Variants in SCYL1 observed in about 807,000 individuals in gnomAD.
The protein encoded by SCYL1 is N-terminal kinase-like protein.
SCYL1 carries 85 observed loss-of-function variants against 94.8 expected under a neutral mutation model. The observed-to-expected ratio is 0.90, with a 90% CI of 0.75 to 1.07. SCYL1 has a LOEUF of 1.07. SCYL1 is among the 50% of genes least tolerant of loss of function. SCYL1 has a pLI of 0.00. For synonymous variants in SCYL1, 459 were observed against 435.5 expected (o/e 1.05, Z -0.67); for missense variants, 968 against 1,083.3 (o/e 0.89, Z 1.49).
chr11:65,538,302 G>T lies in SCYL1; in HGVS notation c.2280G>T (p.Trp760Cys). ...PRPDSWGEDN[W>C]EGLETDSRQV... is the part of the protein sequence containing the mutation. ...CAGACTCTTGGGGTGAGGACAACTG[G>T]GAGGGCCTCGAGACTGACAGTCGTA... Residue 760 changes from tryptophan (W) to cysteine (C), a missense_variant, in exon 17 of 18, where the codon TGG becomes TGT. Trp to Cys is a radical substitution (Grantham distance 215). Coordinates refer to ENST00000270176, the MANE Select transcript of SCYL1 (RefSeq NM_020680.4). 1.3e-6 allele frequency: 2 copies of T among 1,551,210 alleles called. No homozygotes were observed. Among genetic ancestry groups the T allele is most frequent in the Non-Finnish European group, 1.7e-6 (2 of 1,146,986 alleles).
chr11:65,527,711 G>A (rs978970005), intron 6 of SCYL1, among the ~76,000 whole-genome samples: 3 of 132,850 alleles, frequency 2.3e-5, no homozygotes, highest in Non-Finnish European at 3.1e-5. Context: ...TAGCCCGGGC[G>A]ACAGTGTGAG....
In SCYL1 at chr11:65,526,160, A is replaced by G; in HGVS notation, c.412A>G (p.Ile138Val). The G allele has an allele frequency of 6.2e-7, 1 of 1,613,322 alleles. No homozygotes were observed. Among genetic ancestry groups the G allele is most frequent in the Admixed American group, 1.7e-5 (1 of 60,018 alleles). The change falls in exon 4 of 18, where the codon ATC becomes GTC. Residue 138 changes from isoleucine (I) to valine (V), a missense_variant. Physicochemically the swap from Ile to Val is conservative, Grantham distance 29. Coordinates refer to ENST00000270176, the MANE Select transcript of SCYL1 (RefSeq NM_020680.4). The surrounding 1 kb of genome is among the most constrained non-coding windows in gnomAD (Gnocchi z 4.1). Reference sequence around the variant, plus strand: ...CTTCCTGGTCAACGACTGCAGCCTCATCCACAACAATGTCTGCATGGCCGC... The same window carrying G: ...CTTCCTGGTCAACGACTGCAGCCTCGTCCACAACAATGTCTGCATGGCCGC... Reference protein sequence around the residue: ...LSFLVNDCSLIHNNVCMAAVF... With the variant: ...LSFLVNDCSLVHNNVCMAAVF...
At position 65,530,737 on chromosome 11, in the gene SCYL1, G is replaced by A. The variant is rs367743932; in HGVS notation, c.958G>A (p.Ala320Thr). The A allele has an allele frequency of 2.0e-4, 316 of 1,613,954 alleles. No homozygotes were observed. The highest frequency in any genetic ancestry group is 2.4e-4 in the Non-Finnish European group (285 of 1,179,996). The change falls in exon 7 of 18, where the codon GCC becomes ACC. Residue 320 changes from alanine (A) to threonine (T), a missense_variant. Ala to Thr is a moderately conservative substitution (Grantham distance 58). Around this residue, in one of 2 missense-constraint regions of SCYL1, gnomAD observed 494 missense variants for 619.7 expected, o/e 0.80. Transcript: ENST00000270176. ...CAAGGTGCTGCCCCAGCTGCTGACC[G>A]CCTTCGAGTTCGGCAATGCTGGGGC... The part of the protein sequence containing the change: ...RHKVLPQLLT[A>T]FEFGNAGAVV...
intron 17 of SCYL1, 54 bp from the exon 18 acceptor site, chr11:65,538,388 C>G (rs1289238972): frequency 1.3e-6 from 2 of 1,539,668 alleles, no homozygotes; most frequent in Middle Eastern, 3.4e-4. Flanking sequence ...CCTACAGGCC[C>G]CCGGCAGGCA....
Position 65,527,075 on chromosome 11 carries a change from C to T in SCYL1, c.807C>T (p.Ser269=). The T allele has an allele frequency of 6.2e-7, 1 of 1,613,640 alleles. No homozygotes were observed. The highest frequency in any genetic ancestry group is 8.5e-7 in the Non-Finnish European group (1 of 1,180,016). ...QNCRAPGGFM[S]NRFVETNLFL... ...GCCGGGCACCTGGTGGCTTCATGAG[C>T]AACCGCTTTGTAGAAACCAACCTCT... Residue 269 remains serine, a synonymous_variant, in exon 6 of 18, where the codon AGC becomes AGT. Coordinates refer to ENST00000270176, the MANE Select transcript of SCYL1 (RefSeq NM_020680.4).
chr11:65,538,284 T>C lies in SCYL1; in HGVS notation c.2262T>C (p.Ser754=), dbSNP rs1249167975. Residue 754 remains serine (S), a synonymous_variant, in exon 17 of 18, where the codon TCT becomes TCC. Transcript: ENST00000270176. The stretch of plus-strand genomic sequence containing the variant: ...TCTCTTTACAGCCGAGGCCAGACTC[T>C]TGGGGTGAGGACAACTGGGAGGGCC... ...ARPSTQPRPD[S]WGEDNWEGLE... is the part of the protein sequence containing the mutation. 6.4e-7 allele frequency: 1 copy of C among 1,552,958 alleles called. No homozygotes were observed. The highest frequency in any genetic ancestry group is 8.7e-7 in the Non-Finnish European group (1 of 1,147,934).
intron 13 of SCYL1, 103 bp downstream of exon 13, chr11:65,536,853 A>G (rs1311663169): frequency 1.4e-6 from 2 of 1,406,706 alleles, no homozygotes; most frequent in Non-Finnish European, 9.9e-7. Flanking sequence ...TGAAGGGGAT[A>G]TAGGAGCTGG....
chr11:65,529,917 A>G (rs1305251416), intron 6 of SCYL1, among the ~76,000 whole-genome samples: 1 of 152,194 alleles, frequency 6.6e-6, no homozygotes, highest in Non-Finnish European at 1.5e-5. Context: ...TGTGGATTAC[A>G]TTAGCACCTA....
intron 6 of SCYL1, among the ~76,000 whole-genome samples, chr11:65,529,588 T>C (rs552388430): frequency 6.6e-6 from 1 of 152,342 alleles, no homozygotes; most frequent in South Asian, 2.1e-4. Context: ...TCAAGGGCCA[T>C]CTAGGTCCTC....
At chr11:65,527,731 CAAAAAA>C (rs35335117) in intron 6 of SCYL1, among the ~76,000 whole-genome samples, 1 of 88,670 alleles carries the variant, frequency 1.1e-5, no homozygotes, top group Non-Finnish European at 2.3e-5. Context: ...GACTTCGTCT[CAAAAAA>C]AAAAAAAAAA....
Position 65,536,081 on chromosome 11 carries a change from G to GA in SCYL1, c.1517dup (p.Ile507AspfsTer13). The GA allele has an allele frequency of 6.2e-7, 1 of 1,614,232 alleles. No individual in the cohort carries two copies. The highest frequency in any genetic ancestry group is 8.5e-7 in the Non-Finnish European group (1 of 1,180,030). On this transcript the variant is annotated frameshift_variant, in exon 11 of 18. Coordinates refer to ENST00000270176, the MANE Select transcript of SCYL1 (RefSeq NM_020680.4). LOFTEE classifies it high-confidence loss of function. The stretch of plus-strand genomic sequence containing the variant: ...TCTACTCAATGAACGACTGTGCCCA[G>GA]AAGATCCTGCCTGTGCTCTGCGGTC...
rs562013183 is a variant in SCYL1 at position 65,537,233 on chromosome 11, C to A, written c.1959+105C>A. ...CTGGCTGGAGTTGGCCTGTCCTCAT[C>A]AGCACAGCATCCCTGGCACGTAGGC... On this transcript the variant is annotated intron_variant, in intron 14 of 17. Transcript: ENST00000270176. 1.3e-5 allele frequency: 17 copies of A among 1,259,638 alleles called. No individual in the cohort carries two copies. In the African/African-American group the frequency reaches 2.2e-4, roughly 16 times the overall value. 78.0% of individuals were successfully genotyped at this position (1,259,638 alleles called of 1,614,324 possible). A position where few individuals can be genotyped will look rare whatever the true frequency, so the allele number is the denominator to read the frequency against.
rs1460248987 is a variant in SCYL1 at position 65,526,570 on chromosome 11, G to C, written c.603-213G>C. 6.6e-6 allele frequency among the ~76,000 whole-genome samples: 1 copy of C among 152,192 alleles called. No homozygotes were observed. Among genetic ancestry groups the C allele is most frequent in the Admixed American group, 6.5e-5 (1 of 15,282 alleles). The stretch of plus-strand genomic sequence containing the variant: ...GGGTTGGGTGATTCTGAACTTGAAA[G>C]CTCTGTGACCTGGACAGATGTGCCT... On this transcript the variant is annotated intron_variant, in intron 4 of 17. Transcript: ENST00000270176. The surrounding 1 kb of genome is among the most constrained non-coding windows in gnomAD (Gnocchi z 4.1).
At chr11:65,531,787 CT>C in intron 8 of SCYL1, 104 bp downstream of exon 8, 1 of 791,546 alleles carries the variant, frequency 1.3e-6, no homozygotes, top group Non-Finnish European at 2.2e-6. Context: ...AACCCCACCC[CT>C]GAACATACAC....
intron 13 of SCYL1, 65 bp downstream of exon 13, chr11:65,536,815 TCTTA>T (rs1855672596): frequency 4.0e-6 from 6 of 1,515,012 alleles, no homozygotes; most frequent in South Asian, 1.2e-5. Flanking sequence ...ACCCAGGAAC[TCTTA>T]CTGTCTGACT....
intron 13 of SCYL1, 28 bp downstream of exon 13, chr11:65,536,778 T>TGGCTGAGAG: frequency 6.3e-7 from 1 of 1,575,638 alleles, no homozygotes; most frequent in African/African-American, 1.3e-5. Context: ...GCTGCATCAG[T>TGGCTGAGAG]GGCTGAGAGG....
intron 14 of SCYL1, among the ~76,000 whole-genome samples, chr11:65,537,570 G>A (rs1855741361): frequency 6.6e-6 from 1 of 152,146 alleles, no homozygotes; most frequent in Admixed American, 6.5e-5. Flanking sequence ...GCTGACAGCA[G>A]CAGTTTCTGG....
rs1238427561 is a variant in SCYL1 at position 65,526,786 on chromosome 11, A to C, written c.606A>C (p.Ser202=). The C allele has an allele frequency of 6.2e-7, 1 of 1,612,284 alleles. No individual in the cohort carries two copies. Among genetic ancestry groups the C allele is most frequent in the East Asian group, 2.2e-5 (1 of 44,862 alleles). ...SSGRVVREKW[S]ADMWRLGCLI... Reference sequence around the variant, plus strand: ...GAGCTCTGGGTCACTGCCACAGGTCAGCAGACATGTGGCGCTTGGGCTGCC... The same window carrying C: ...GAGCTCTGGGTCACTGCCACAGGTCCGCAGACATGTGGCGCTTGGGCTGCC... Residue 202 remains serine (S), a synonymous_variant, in exon 5 of 18, where the codon TCA becomes TCC. Transcript: ENST00000270176. This position sits in a 1 kb window ranked among gnomAD's most constrained non-coding sequence, Gnocchi z 4.1.
At chr11:65,531,154 A>T (rs996616249) in intron 7 of SCYL1, among the ~76,000 whole-genome samples, 2 of 150,948 alleles carry the variant, frequency 1.3e-5, no homozygotes, top group African/African-American at 4.9e-5. Flanking sequence ...TGGATCTTCC[A>T]CCCTTTCCTC....
Sources: gnomAD v4.1 joint callset for allele counts (sites outside exome capture counted in the v4.1 genomes callset) on GRCh38, gnomAD v4.1.1 for gene constraint, gnomAD v4.1.1 regional missense constraint, Gnocchi (gnomAD v3.1) non-coding constraint, MANE v1.5 for transcripts, NCBI Gene and HGNC (gene_info 2026-07-23, HGNC 2026-07-21) for gene names.